Variants in SIGLEC8 observed in about 807,000 individuals in gnomAD.
SIGLEC8 encodes sialic acid-binding Ig-like lectin 8.
Under a neutral mutation model 42.1 loss-of-function variants are expected in SIGLEC8, and 32 were observed. The observed-to-expected ratio is 0.76, with a 90% confidence interval of 0.57 to 1.02. The LOEUF (loss-of-function observed/expected upper bound fraction) is 1.02. Ranked by LOEUF, SIGLEC8 falls within the 50% of genes least tolerant of loss-of-function variation. The pLI, the probability that SIGLEC8 is intolerant of heterozygous loss-of-function variation, is 0.00. For missense variants in SIGLEC8, 611 were observed against 610.2 expected (o/e 1.00, Z -0.01); for synonymous variants, 262 against 260.3 (o/e 1.01, Z -0.06).
rs746871853 is a variant in SIGLEC8 at position 51,458,072 on chromosome 19, C to T, written c.316G>A (p.Asp106Asn). 1.1e-5 allele frequency: 17 copies of T among 1,613,992 alleles called. No homozygotes were observed. The African/African-American group carries it at 1.5e-4, about 14-fold the overall frequency. The change falls in exon 1 of 7, where the codon GAC becomes AAC. Residue 106 changes from aspartate to asparagine, a missense_variant. By Grantham distance (23) the Asp-to-Asn change is conservative. Transcript: ENST00000321424. ...GCGTCTCTGATGCTCAGGGAGCAGT[C>T]GTTGCTCCAAATGTCCCCAAGGAGT... ...FQLLGDIWSN[D>N]CSLSIRDARK...
At chr19:51,455,775 T>C (rs925425422) in intron 3 of SIGLEC8, 88 bp from the exon 4 acceptor site, 1 of 1,216,830 alleles carries the variant, frequency 8.2e-7, no homozygotes, top group Non-Finnish European at 1.2e-6. Flanking sequence ...CACATGCACA[T>C]GTATGTTTAT....
Position 51,457,581 on chromosome 19 carries a change from G to C in SIGLEC8, c.613C>G (p.Arg205Gly). ...SVSSPGPTTA[R>G]SSVLTLTPKP... ...GGGGTAAGGGTGAGCACTGAGGAGC[G>C]GGCAGTAGTGGGGCCCGGGGAGGAC... is the stretch of plus-strand genomic sequence containing the variant. Residue 205 changes from arginine to glycine, a missense_variant, in exon 2 of 7, where the codon CGC becomes GGC. By Grantham distance (125) the Arg-to-Gly change is moderately radical. Transcript: ENST00000321424. 6.2e-7 allele frequency: 1 copy of C among 1,613,724 alleles called. No individual in the cohort carries two copies. Among genetic ancestry groups the C allele is most frequent in the Non-Finnish European group, 8.5e-7 (1 of 1,179,822 alleles).
Position 51,451,330 on chromosome 19 carries a change from A to T in SIGLEC8, c.*1049T>A, listed in dbSNP as rs929321557. The T allele has an allele frequency of 4.3e-5, 3 of 69,026 alleles. No homozygotes were observed. Among genetic ancestry groups the T allele is most frequent in the African/African-American group, 3.0e-4 (3 of 10,160 alleles). 4.3% of individuals were successfully genotyped at this position (69,026 alleles called of 1,614,324 possible). On this transcript the variant is annotated 3_prime_UTR_variant, in exon 7 of 7. Coordinates refer to ENST00000321424, the MANE Select transcript of SIGLEC8 (RefSeq NM_014442.3). ...CATATCAAACAAACAACCTGCAATA[A>T]AAAAAAACGTTTTAAATTGGGGGTA...
At position 51,454,431 on chromosome 19, in the gene SIGLEC8, C is replaced by T. The variant is rs868262012; in HGVS notation, c.1149-116G>A. 2.0e-5 allele frequency: 32 copies of T among 1,574,114 alleles called. No individual in the cohort carries two copies. The highest frequency in any genetic ancestry group is 5.6e-5 in the South Asian group (5 of 88,534). ...TTGAGGGGTGACCGAGGCGCAACGG[C>T]GGTGGTCCAGTTCCAGAGACCCCAA... On this transcript the variant is annotated intron_variant, in intron 5 of 6. Coordinates refer to ENST00000321424, the MANE Select transcript of SIGLEC8 (RefSeq NM_014442.3). This position sits in a 1 kb window ranked among gnomAD's most constrained non-coding sequence, Gnocchi z 4.7.
In SIGLEC8 at chr19:51,457,973, A is replaced by G. The variant is rs752015107; in HGVS notation, c.415T>C (p.Leu139=). 9.3e-6 allele frequency: 15 copies of G among 1,613,880 alleles called. No individual in the cohort carries two copies. In the East Asian group the frequency reaches 1.6e-4, roughly 17 times the overall value. Residue 139 remains leucine (L), a synonymous_variant, in exon 1 of 7, where the codon TTG becomes CTG. Coordinates refer to ENST00000321424, the MANE Select transcript of SIGLEC8 (RefSeq NM_014442.3). ...GACAGCTGCTTAGTTTTGTAATTCAACTGTGATTTGTAACTCCATTTCATG... is the reference window on the plus strand; with the variant it reads ...GACAGCTGCTTAGTTTTGTAATTCAGCTGTGATTTGTAACTCCATTTCATG... The part of the protein sequence containing the change: ...GSMKWSYKSQ[L]NYKTKQLSVF...
chr19:51,453,471 G>T, intron 6 of SIGLEC8: 2 of 829,688 alleles, frequency 2.4e-6, no homozygotes, highest in Non-Finnish European at 2.9e-6. Context: ...GCTGAGGCGG[G>T]CGGATCACGA....
chr19:51,454,939 A>G lies in SIGLEC8; in HGVS notation c.1052-159T>C, dbSNP rs1989454187. Among the ~76,000 whole-genome samples the G allele has an allele frequency of 6.6e-6, 1 of 152,262 alleles. No homozygotes were observed. Among genetic ancestry groups the G allele is most frequent in the Admixed American group, 6.5e-5 (1 of 15,290 alleles). ...AGGAAAGGAGACTACTTCTGAGGCC[A>G]GTGAGGCATGAGAGTGCTGGATGCA... On this transcript the variant is annotated intron_variant, in intron 4 of 6. Transcript: ENST00000321424. The surrounding 1 kb of genome is among the most constrained non-coding windows in gnomAD (Gnocchi z 4.7).
intron 3 of SIGLEC8, 63 bp downstream of exon 3, chr19:51,457,121 C>G (rs1456979088): frequency 1.4e-6 from 2 of 1,417,940 alleles, no homozygotes; most frequent in Non-Finnish European, 2.0e-6. Flanking sequence ...TGAGGAGAGA[C>G]CCAGCCCCAT....
At chr19:51,455,094 T>C (rs1989457127) in intron 4 of SIGLEC8, among the ~76,000 whole-genome samples, 1 of 152,246 alleles carries the variant, frequency 6.6e-6, no homozygotes, top group South Asian at 2.1e-4. Context: ...TGGGTTTTTC[T>C]TTGGCTTCTT....
Position 51,454,360 on chromosome 19 carries a change from G to A in SIGLEC8, c.1149-45C>T, listed in dbSNP as rs1429255869. Reference sequence around the variant, plus strand: ...AGCCTTTCAGTGTGGTCAGATCGGGGTGCAGTGGGCAGACCAACCCCTGCC... The same window carrying A: ...AGCCTTTCAGTGTGGTCAGATCGGGATGCAGTGGGCAGACCAACCCCTGCC... On this transcript the variant is annotated intron_variant, in intron 5 of 6. Coordinates refer to ENST00000321424, the MANE Select transcript of SIGLEC8 (RefSeq NM_014442.3). This position sits in a 1 kb window ranked among gnomAD's most constrained non-coding sequence, Gnocchi z 4.7. The A allele has an allele frequency of 7.4e-6, 12 of 1,612,064 alleles. No individual in the cohort carries two copies. Among genetic ancestry groups the A allele is most frequent in the African/African-American group, 6.7e-5 (5 of 74,848 alleles).
rs1005643210 is a variant in SIGLEC8, at chr19:51,454,415, G to C, written c.1149-100C>G. Reference sequence around the variant, plus strand: ...ATTTCCTACTGGGGGCTTGAGGGGTGACCGAGGCGCAACGGCGGTGGTCCA... The same window carrying C: ...ATTTCCTACTGGGGGCTTGAGGGGTCACCGAGGCGCAACGGCGGTGGTCCA... On this transcript the variant is annotated intron_variant, in intron 5 of 6. Transcript: ENST00000321424. This position sits in a 1 kb window ranked among gnomAD's most constrained non-coding sequence, Gnocchi z 4.7. 1.2e-6 allele frequency: 2 copies of C among 1,602,426 alleles called. No individual in the cohort carries two copies. The highest frequency in any genetic ancestry group is 1.7e-6 in the Non-Finnish European group (2 of 1,175,114).
chr19:51,453,271 G>A (rs1312160274), intron 6 of SIGLEC8, among the ~76,000 whole-genome samples: 1 of 151,762 alleles, frequency 6.6e-6, no homozygotes, highest in Non-Finnish European at 1.5e-5. Flanking sequence ...GCATTTTTTT[G>A]TAGAGATGGG....
Position 51,457,986 on chromosome 19 carries a change from A to C in SIGLEC8, c.402T>G (p.Ser134Arg). The C allele has an allele frequency of 6.2e-7, 1 of 1,614,004 alleles. No homozygotes were observed. Among genetic ancestry groups the C allele is most frequent in the South Asian group, 1.1e-5 (1 of 91,076 alleles). The stretch of plus-strand genomic sequence containing the variant: ...TTTTGTAATTCAACTGTGATTTGTA[A>C]CTCCATTTCATGCTTCCTCTCTCTA... ...FRLERGSMKW[S>R]YKSQLNYKTK... Residue 134 changes from serine to arginine, a missense_variant, in exon 1 of 7, where the codon AGT becomes AGG. Transcript: ENST00000321424.
In SIGLEC8 at chr19:51,458,430, C is replaced by T. The variant is rs1253378546; in HGVS notation, c.-43G>A. ...CCAGGGCCGCCAGGGAACGTCTGTT[C>T]CTCAGGGTTCTTCTCTCAGAAACTG... On this transcript the variant is annotated 5_prime_UTR_variant, in exon 1 of 7. Coordinates refer to ENST00000321424, the MANE Select transcript of SIGLEC8 (RefSeq NM_014442.3). The T allele has an allele frequency of 2.5e-6, 4 of 1,581,562 alleles. No homozygotes were observed. The highest frequency in any genetic ancestry group is 2.3e-5 in the South Asian group (2 of 85,214).
rs550276683 is a variant in SIGLEC8, at chr19:51,452,103, A to C, written c.*276T>G. On this transcript the variant is annotated 3_prime_UTR_variant, in exon 7 of 7. Transcript: ENST00000321424. The stretch of plus-strand genomic sequence containing the variant: ...AGTGCTTGATTCTGTCATTTGAGAG[A>C]ACATGGATGAACCTAGGGGATATTT... The C allele has an allele frequency of 9.6e-6, 3 of 311,460 alleles. No homozygotes were observed. Among genetic ancestry groups the C allele is most frequent in the Non-Finnish European group, 1.2e-5 (2 of 170,992 alleles). The allele number at this position is 311,460 out of a possible 1,614,324, so 19.3% of individuals were successfully genotyped here.
Position 51,455,601 on chromosome 19 carries a change from G to A in SIGLEC8, c.868C>T (p.Pro290Ser). The A allele has an allele frequency of 2.5e-6, 4 of 1,614,136 alleles. No homozygotes were observed. Among genetic ancestry groups the A allele is most frequent in the South Asian group, 1.1e-5 (1 of 91,078 alleles). ...CCCCGGGTCCAGCTCAGCCTGGCAG[G>A]GGGATTGCTGTTGACAGCACAGACC... ...RLVCAVNSNP[P>S]ARLSWTRGSL... The change falls in exon 4 of 7, where the codon CCT (proline) becomes TCT (serine). Residue 290 changes from proline (P) to serine (S), a missense_variant. Physicochemically the swap from Pro to Ser is moderately conservative, Grantham distance 74. Transcript: ENST00000321424.
intron 2 of SIGLEC8, 42 bp downstream of exon 2, chr19:51,457,419 C>T: frequency 6.2e-6 from 10 of 1,610,146 alleles, no homozygotes; most frequent in Non-Finnish European, 7.6e-6. Context: ...AGGAACACCT[C>T]CCAACCCATG....
chr19:51,456,143 C>G (rs1989487388), intron 3 of SIGLEC8, among the ~76,000 whole-genome samples: 1 of 151,980 alleles, frequency 6.6e-6, no homozygotes, highest in African/African-American at 2.4e-5. Context: ...GGGGGCAGCA[C>G]ACCAACATGG....
chr19:51,457,888 C>A, intron 1 of SIGLEC8, 46 bp downstream of exon 1: 1 of 1,593,258 alleles, frequency 6.3e-7, no homozygotes, highest in Non-Finnish European at 8.6e-7. Flanking sequence ...GCCTTTCAGC[C>A]CCTCATGACC....
Sources: gnomAD v4.1 joint callset for allele counts (sites outside exome capture counted in the v4.1 genomes callset) on GRCh38, gnomAD v4.1.1 for gene constraint, Gnocchi (gnomAD v3.1) non-coding constraint, MANE v1.5 for transcripts, NCBI Gene and HGNC (gene_info 2026-07-23, HGNC 2026-07-21) for gene names.